NUP98: variants seen among roughly 807,000 people sequenced by gnomAD.
The protein encoded by NUP98 is nuclear pore complex protein Nup98-Nup96.
NUP98 carries 26 observed loss-of-function variants against 191.9 expected under a neutral mutation model. The ratio of observed to expected loss-of-function variants is 0.14; its 90% confidence interval spans 0.10 to 0.19. The LOEUF is 0.19. Among genes scored for constraint, NUP98 ranks in the 10% least tolerant of loss-of-function variants. The pLI is 1.00. For synonymous variants in NUP98, 808 were observed against 778.4 expected, an observed-to-expected ratio of 1.04 and a Z score of -0.63; for missense variants, 1,941 against 2,178.8, an observed-to-expected ratio of 0.89 and a Z score of 2.17.
intron 6 of NUP98, among the ~76,000 whole-genome samples, chr11:3,772,593 G>A (rs2957867): frequency 0.17 from 25,785 of 151,762 alleles, 2,358 homozygotes; most frequent in East Asian, 0.26. Flanking sequence ...TGAGGTGGAC[G>A]GATCACAAGG....
At position 3,716,370 on chromosome 11, in the gene NUP98, C is replaced by A. The variant is rs1302716980; in HGVS notation, c.2400-2375G>T. Reference sequence around the variant, plus strand: ...TTTTTTTTAGTTTTTTTTATGTGTGCTCCACACCACCCTGCCCCCGAGTAA... The same window carrying A: ...TTTTTTTTAGTTTTTTTTATGTGTGATCCACACCACCCTGCCCCCGAGTAA... On this transcript the variant is annotated intron_variant, in intron 18 of 32. Transcript: ENST00000324932. Among the ~76,000 whole-genome samples the A allele has an allele frequency of 4.0e-5, 6 of 150,832 alleles. No homozygotes were observed. The South Asian group carries it at 1.3e-3, about 32-fold the overall frequency.
At chr11:3,735,116 G>A (rs181496542) in intron 13 of NUP98, 75 bp downstream of exon 13, 3 of 1,375,332 alleles carry the variant, frequency 2.2e-6, no homozygotes, top group Admixed American at 2.7e-5. Flanking sequence ...ATATATACAG[G>A]CAAAAAATTA....
Position 3,731,430 on chromosome 11 carries a change from T to C in NUP98, c.1691A>G (p.Asp564Gly), listed in dbSNP as rs1310228793. ...TCCATTGGCTAGGGATGGTTCATCG[T>C]CATCCAGCCCATCAAAGAGATGTGA... The part of the protein sequence containing the change: ...AKSHLFDGLD[D>G]DEPSLANGAF... Residue 564 changes from aspartate to glycine, a missense_variant, in exon 14 of 33, where the codon GAC (aspartate) becomes GGC (glycine). By Grantham distance (94) the Asp-to-Gly change is moderately conservative (BLOSUM62 -1). Transcript: ENST00000324932. 1 of 1,606,296 alleles carries C rather than the reference T, an allele frequency of 6.2e-7. No individual in the cohort carries two copies.
intron 13 of NUP98, among the ~76,000 whole-genome samples, chr11:3,734,821 C>T (rs1008046308): frequency 6.6e-5 from 10 of 152,148 alleles, no homozygotes; most frequent in South Asian, 6.2e-4. Flanking sequence ...AATCCCAGCA[C>T]GTTGGGAGAC....
chr11:3,710,855 G>A (rs910855812), intron 20 of NUP98, among the ~76,000 whole-genome samples: 1 of 152,178 alleles, frequency 6.6e-6, no homozygotes, highest in Admixed American at 6.5e-5. Flanking sequence ...CCTAAAGTCT[G>A]GACATTTAAA....
At chr11:3,710,130 T>C (rs1442904882) in intron 20 of NUP98, among the ~76,000 whole-genome samples, 2 of 152,008 alleles carry the variant, frequency 1.3e-5, no homozygotes, top group Non-Finnish European at 1.5e-5. Flanking sequence ...CATTAAAATA[T>C]AAATATGCCT....
At chr11:3,787,671 G>A (rs1042976860) in intron 1 of NUP98, among the ~76,000 whole-genome samples, 3 of 151,028 alleles carry the variant, frequency 2.0e-5, no homozygotes, top group East Asian at 2.0e-4. Flanking sequence ...CAAGACTGCC[G>A]CACACCCTTA....
intron 15 of NUP98, among the ~76,000 whole-genome samples, chr11:3,723,694 AT>A (rs571240044): frequency 3.9e-4 from 59 of 152,204 alleles, no homozygotes; most frequent in Admixed American, 9.8e-4. Flanking sequence ...ACTGAAAAAA[AT>A]GTTAGATTTT....
At chr11:3,713,740 A>G in intron 19 of NUP98, 78 bp downstream of exon 19, 1 of 1,369,500 alleles carries the variant, frequency 7.3e-7, no homozygotes, top group Admixed American at 2.2e-5. Flanking sequence ...GAATTTAGCA[A>G]AGGATCCCTT....
chr11:3,713,962 T>C lies in NUP98; in HGVS notation c.2433A>G (p.Pro811=). 6.2e-7 allele frequency: 1 copy of C among 1,614,116 alleles called. No homozygotes were observed. The change falls in exon 19 of 33, where the codon CCA becomes CCG. Residue 811 remains proline (P), a synonymous_variant. Transcript: ENST00000324932. ...KAEVTLDGVW[P]TDKTSRCLIK... is the part of the protein sequence containing the mutation. ...TTAAACAACGAGATGTTTTATCTGT[T>C]GGCCAAACTCCATCCAATGTAACTT...
intron 8 of NUP98, among the ~76,000 whole-genome samples, chr11:3,766,561 T>C (rs2081345967): frequency 1.3e-5 from 2 of 151,682 alleles, no homozygotes; most frequent in Non-Finnish European, 2.9e-5. Context: ...TGGTGGTGCA[T>C]GCCTGCAATC....
intron 7 of NUP98, 55 bp downstream of exon 7, chr11:3,771,687 TGTTTTA>T (rs1400770058): frequency 3.3e-5 from 48 of 1,457,742 alleles, no homozygotes; most frequent in Non-Finnish European, 4.3e-5. Context: ...ATGGCAATTA[TGTTTTA>T]GTTTTAGTTA....
Position 3,678,931 on chromosome 11 carries a change from G to A in NUP98, c.5073+623C>T, listed in dbSNP as rs1033963876. Among the ~76,000 whole-genome samples, 83 of 152,038 alleles carry A rather than the reference G, an allele frequency of 5.5e-4. 1 individual carries two copies. The highest frequency in any genetic ancestry group is 1.5e-4 in the Non-Finnish European group (10 of 68,012). ...GAGGCCAGGAATTCAAGACCAGCCT[G>A]GCCAATGTGGTGAAACACTATCTCT... On this transcript the variant is annotated intron_variant, in intron 31 of 32. Coordinates refer to ENST00000324932, the MANE Select transcript of NUP98 (RefSeq NM_016320.5).
At chr11:3,721,943 A>T (rs1408854812) in intron 16 of NUP98, among the ~76,000 whole-genome samples, 1 of 152,020 alleles carries the variant, frequency 6.6e-6, no homozygotes, top group Non-Finnish European at 1.5e-5. Flanking sequence ...AGCAACACCC[A>T]CTTGTATACT....
At chr11:3,744,707 A>C in intron 11 of NUP98, 58 bp from the exon 12 acceptor site, 1 of 1,548,748 alleles carries the variant, frequency 6.5e-7, no homozygotes, top group Non-Finnish European at 8.7e-7. Context: ...ATGTTGTGCC[A>C]GAGGTCAGTT....
intron 10 of NUP98, among the ~76,000 whole-genome samples, chr11:3,755,837 G>A (rs1029613580): frequency 2.6e-5 from 4 of 151,196 alleles, no homozygotes; most frequent in African/African-American, 9.7e-5. Flanking sequence ...GGTGGCAGGC[G>A]CCTATAATCC....
At chr11:3,737,321 C>CAAAAA (rs34718372) in intron 12 of NUP98, among the ~76,000 whole-genome samples, 5 of 111,942 alleles carry the variant, frequency 4.5e-5, no homozygotes, top group Admixed American at 2.1e-4. Flanking sequence ...GCAGTAATAA[C>CAAAAA]AAAAAAAAAA....
chr11:3,751,294 G>A (rs1218785558), intron 11 of NUP98, among the ~76,000 whole-genome samples: 1 of 152,126 alleles, frequency 6.6e-6, no homozygotes, highest in Non-Finnish European at 1.5e-5. Context: ...GGAGGCGGAG[G>A]CTGCGGTGAG....
chr11:3,790,025 C>T (rs893578390), intron 1 of NUP98, among the ~76,000 whole-genome samples: 9 of 152,132 alleles, frequency 5.9e-5, no homozygotes, highest in East Asian at 1.9e-4. Context: ...CCTCGTGATC[C>T]GCCCACCTCA....
Sources: gnomAD v4.1 joint callset for allele counts (sites outside exome capture counted in the v4.1 genomes callset) on GRCh38, gnomAD v4.1.1 for gene constraint, MANE v1.5 for transcripts, NCBI Gene and HGNC (gene_info 2026-07-23, HGNC 2026-07-21) for gene names.